IL19: variants seen among roughly 807,000 people sequenced by gnomAD.
The protein encoded by IL19 is interleukin 19, also known as interleukin-19.
IL19 carries 15 observed loss-of-function variants against 19.5 expected under a neutral mutation model. That is an observed-to-expected ratio of 0.77 (90% CI 0.52 to 1.19). The LOEUF (loss-of-function observed/expected upper bound fraction) is 1.19, where lower values mean the gene tolerates loss of function less well. IL19 is among the 50% of genes most tolerant of loss of function. The pLI, the probability that IL19 is intolerant of heterozygous loss-of-function variation, is 0.00. For synonymous variants in IL19, 78 were observed against 78.3 expected (o/e 1.00, Z 0.02); for missense variants, 199 against 213.1 (o/e 0.93, Z 0.41).
At chr1:206,771,638 C>T (rs914967505) in intron 1 of IL19, among the ~76,000 whole-genome samples, 5 of 152,066 alleles carry the variant, frequency 3.3e-5, no homozygotes, top group African/African-American at 1.2e-4. Context: ...AAAAATCTGG[C>T]CGATTTTGAA....
intron 1 of IL19, among the ~76,000 whole-genome samples, chr1:206,793,157 C>T (rs530534261): frequency 1.3e-5 from 2 of 152,358 alleles, no homozygotes; most frequent in African/African-American, 4.8e-5. Context: ...CAGCCCCATC[C>T]TCAGAGGTTT....
intron 2 of IL19, among the ~76,000 whole-genome samples, chr1:206,813,573 T>G (rs1240525547): frequency 6.6e-6 from 1 of 152,144 alleles, no homozygotes; most frequent in Non-Finnish European, 1.5e-5. Flanking sequence ...CAGATCTGAG[T>G]TTCAGTTCCT....
intron 1 of IL19, among the ~76,000 whole-genome samples, chr1:206,783,972 G>C (rs1675206354): frequency 6.6e-6 from 1 of 152,206 alleles, no homozygotes; most frequent in Non-Finnish European, 1.5e-5. Flanking sequence ...TGTAGTGGTT[G>C]ATGTTTTTCC....
intron 1 of IL19, among the ~76,000 whole-genome samples, chr1:206,791,091 G>A (rs1344118519): frequency 1.3e-5 from 2 of 152,182 alleles, no homozygotes; most frequent in East Asian, 1.9e-4. Flanking sequence ...AAGATGGACC[G>A]TGTATGTTGT....
intron 1 of IL19, 195 bp downstream of exon 1, chr1:206,771,273 C>A (rs1381984029): frequency 1.6e-5 from 22 of 1,339,954 alleles, no homozygotes; most frequent in Non-Finnish European, 2.4e-5. Context: ...GGAAACAAAC[C>A]CAATTCCCTG....
At chr1:206,820,094 C>T (rs899862407) in intron 2 of IL19, among the ~76,000 whole-genome samples, 1 of 152,126 alleles carries the variant, frequency 6.6e-6, no homozygotes, top group Non-Finnish European at 1.5e-5. Flanking sequence ...AAGCTTATTG[C>T]TCCAGATTGT....
chr1:206,771,955 TC>T (rs1674859008), intron 1 of IL19, among the ~76,000 whole-genome samples: 1 of 152,010 alleles, frequency 6.6e-6, no homozygotes, highest in South Asian at 2.1e-4. Context: ...CATCTTCACC[TC>T]GAATCAGACA....
intron 5 of IL19, 62 bp downstream of exon 5, chr1:206,840,064 G>A (rs573112235): frequency 6.3e-7 from 1 of 1,574,814 alleles, no homozygotes; most frequent in Admixed American, 1.7e-5. Context: ...AGGCCAGGAA[G>A]TGCTGGCCCC....
intron 2 of IL19, among the ~76,000 whole-genome samples, chr1:206,810,193 G>C (rs1402866036): frequency 2.6e-5 from 4 of 152,216 alleles, no homozygotes; most frequent in Non-Finnish European, 5.9e-5. Flanking sequence ...GACCAAGGAG[G>C]ATAGACTATA....
chr1:206,806,991 T>C (rs949233758), intron 2 of IL19, among the ~76,000 whole-genome samples: 7 of 152,206 alleles, frequency 4.6e-5, no homozygotes, highest in Non-Finnish European at 7.3e-5. Flanking sequence ...AGAGGTTTAA[T>C]GGACTCACAG....
At chr1:206,809,125 C>T (rs1572559398) in intron 2 of IL19, among the ~76,000 whole-genome samples, 2 of 152,186 alleles carry the variant, frequency 1.3e-5, no homozygotes. Context: ...GTGTTGCCCC[C>T]ACTGCTTCAC....
intron 2 of IL19, among the ~76,000 whole-genome samples, chr1:206,822,982 T>C (rs571690426): frequency 6.6e-6 from 1 of 151,916 alleles, no homozygotes; most frequent in East Asian, 1.9e-4. Context: ...TGGGCTGGAG[T>C]ATAGTGGTGT....
At chr1:206,794,083 T>A (rs1675466669) in intron 1 of IL19, among the ~76,000 whole-genome samples, 1 of 152,192 alleles carries the variant, frequency 6.6e-6, no homozygotes, top group Non-Finnish European at 1.5e-5. Context: ...TGTTCTCTAG[T>A]ACCTTGGACA....
intron 1 of IL19, among the ~76,000 whole-genome samples, chr1:206,798,080 A>T (rs981874589): frequency 7.9e-5 from 12 of 152,214 alleles, no homozygotes; most frequent in Admixed American, 7.8e-4. Flanking sequence ...AGCATGGCAC[A>T]CCTGCTGTAG....
chr1:206,777,190 C>T (rs1462443082), intron 1 of IL19, among the ~76,000 whole-genome samples: 1 of 135,816 alleles, frequency 7.4e-6, no homozygotes, highest in African/African-American at 2.8e-5. Flanking sequence ...GAGATCGCGT[C>T]ACTGCACTCC....
intron 2 of IL19, among the ~76,000 whole-genome samples, chr1:206,806,103 A>G (rs1332242019): frequency 1.3e-5 from 2 of 152,152 alleles, no homozygotes; most frequent in African/African-American, 4.8e-5. Flanking sequence ...ATCCTCGTTG[A>G]TTTTGATTGG....
At chr1:206,794,808 C>T (rs1430954793) in intron 1 of IL19, among the ~76,000 whole-genome samples, 11 of 152,280 alleles carry the variant, frequency 7.2e-5, no homozygotes, top group African/African-American at 1.9e-4. Flanking sequence ...GTACCAAGCC[C>T]GGTGCTTTGT....
intron 2 of IL19, among the ~76,000 whole-genome samples, chr1:206,800,805 G>T (rs748945498): frequency 4.6e-5 from 7 of 152,220 alleles, no homozygotes; most frequent in Admixed American, 2.6e-4. Context: ...CCTCCTGGCC[G>T]TGTGTGTTAA....
chr1:206,841,045 T>A lies in IL19; in HGVS notation c.405T>A (p.Asn135Lys). Residue 135 changes from asparagine to lysine, a missense_variant, in exon 6 of 7, where the codon AAT becomes AAA. Transcript: ENST00000659997. The stretch of plus-strand genomic sequence containing the variant: ...GTCACTGCAGGCAGGAAGCCACCAA[T>A]GCCACCAGAGTCATCCATGACAACT... Reference protein sequence around the residue: ...RQCHCRQEATNATRVIHDNYD... With the variant: ...RQCHCRQEATKATRVIHDNYD... 1 of 1,614,088 alleles carries A rather than the reference T, an allele frequency of 6.2e-7. No homozygotes were observed. Among genetic ancestry groups the A allele is most frequent in the Non-Finnish European group, 8.5e-7 (1 of 1,179,954 alleles).
Sources: gnomAD v4.1 joint callset for allele counts (sites outside exome capture counted in the v4.1 genomes callset) on GRCh38, gnomAD v4.1.1 for gene constraint, MANE v1.5 for transcripts, NCBI Gene and HGNC (gene_info 2026-07-23, HGNC 2026-07-21) for gene names.